KDM8: variants seen among roughly 807,000 people sequenced by gnomAD.
The protein encoded by KDM8 is lysine demethylase 8, also known as bifunctional peptidase and arginyl-hydroxylase JMJD5.
In KDM8, 35 loss-of-function variants were observed where a neutral mutation model predicts 46.9. The ratio of observed to expected loss-of-function variants is 0.75; its 90% CI spans 0.57 to 0.99. The LOEUF (loss-of-function observed/expected upper bound fraction) is 0.99, where lower values mean the gene tolerates loss of function less well. Ranked by LOEUF, KDM8 falls within the 50% of genes least tolerant of loss-of-function variation. KDM8 has a pLI of 0.00. For missense variants in KDM8, 475 were observed against 537.0 expected, an observed-to-expected ratio of 0.88 and a Z score of 1.14; for synonymous variants, 232 against 227.7, an observed-to-expected ratio of 1.02 and a Z score of -0.17.
At chr16:27,216,557 G>T (rs2083556446) in intron 5 of KDM8, among the ~76,000 whole-genome samples, 1 of 152,170 alleles carries the variant, frequency 6.6e-6, no homozygotes, top group East Asian at 1.9e-4. Flanking sequence ...ACAGCCAGGG[G>T]TGGGCTGGGG....
At chr16:27,218,061 C>T (rs752545187) in intron 5 of KDM8, among the ~76,000 whole-genome samples, 1 of 151,922 alleles carries the variant, frequency 6.6e-6, no homozygotes, top group Non-Finnish European at 1.5e-5. Flanking sequence ...TACCTGTAGT[C>T]CCAGCACTTT....
At position 27,210,425 on chromosome 16, in the gene KDM8, T is replaced by C; in HGVS notation, c.302T>C (p.Leu101Pro). ...CGGGTCTACGCCATCGGCTGCCTCC[T>C]GAAAGCCCTGTGTCTGTGCCAGGCA... is the stretch of plus-strand genomic sequence containing the variant. ...WRRVYAIGCLLKALCLCQAPE... is the reference protein window; with the variant it reads ...WRRVYAIGCLPKALCLCQAPE... Residue 101 changes from leucine (L) to proline (P), a missense_variant, in exon 2 of 8, where the codon CTG becomes CCG. Leu to Pro is a moderately conservative substitution (Grantham distance 98). Transcript: ENST00000286096. 3 of 1,606,144 alleles carry C rather than the reference T, an allele frequency of 1.9e-6. No homozygotes were observed. The highest frequency in any genetic ancestry group is 1.3e-5 in the African/African-American group (1 of 74,926).
At chr16:27,207,882 TG>T (rs574312260) in intron 1 of KDM8, among the ~76,000 whole-genome samples, 17 of 152,308 alleles carry the variant, frequency 1.1e-4, no homozygotes, top group African/African-American at 4.1e-4. Context: ...TGGGGGATAG[TG>T]TATAATAATC....
At chr16:27,210,701 C>A in intron 2 of KDM8, 80 bp downstream of exon 2, 1 of 1,397,720 alleles carries the variant, frequency 7.2e-7, no homozygotes, top group Non-Finnish European at 9.6e-7. Flanking sequence ...CATCTCTCCC[C>A]TGGGGTGAGG....
chr16:27,220,297 C>G (rs947527697), intron 6 of KDM8, 96 bp from the exon 7 acceptor site: 4 of 981,112 alleles, frequency 4.1e-6, no homozygotes, highest in Admixed American at 1.7e-5. Flanking sequence ...AGGCTGGGCC[C>G]AGGGAGCAGC....
chr16:27,218,237 G>A (rs1287951710), intron 5 of KDM8, among the ~76,000 whole-genome samples: 3 of 151,872 alleles, frequency 2.0e-5, no homozygotes, highest in African/African-American at 7.3e-5. Flanking sequence ...AGCCATGATG[G>A]TACCACTGCA....
intron 2 of KDM8, 79 bp downstream of exon 2, chr16:27,210,700 C>A: frequency 7.1e-7 from 1 of 1,413,870 alleles, no homozygotes; most frequent in East Asian, 2.4e-5. Flanking sequence ...TCATCTCTCC[C>A]CTGGGGTGAG....
intron 2 of KDM8, among the ~76,000 whole-genome samples, chr16:27,212,104 T>C (rs1050682475): frequency 2.6e-5 from 4 of 152,082 alleles, no homozygotes; most frequent in Non-Finnish European, 4.4e-5. Context: ...TAAGGAATGG[T>C]ACAAATCAAT....
At chr16:27,215,730 G>A (rs979579560) in intron 4 of KDM8, among the ~76,000 whole-genome samples, 8 of 152,192 alleles carry the variant, frequency 5.3e-5, no homozygotes, top group African/African-American at 1.9e-4. Context: ...CAATCAGATG[G>A]ATGAGATCAG....
At chr16:27,208,168 G>A (rs768185117) in intron 1 of KDM8, among the ~76,000 whole-genome samples, 5 of 152,266 alleles carry the variant, frequency 3.3e-5, no homozygotes, top group Non-Finnish European at 5.9e-5. Flanking sequence ...CCAGAAGGCT[G>A]TGTCCATTGG....
At chr16:27,218,325 G>A (rs1272445087) in intron 5 of KDM8, among the ~76,000 whole-genome samples, 1 of 152,112 alleles carries the variant, frequency 6.6e-6, no homozygotes, top group Non-Finnish European at 1.5e-5. Context: ...CCAGGCCACT[G>A]CGGCCCTGCC....
In KDM8 at chr16:27,214,859, G is replaced by C; in HGVS notation, c.666-17G>C. The C allele has an allele frequency of 6.2e-7, 1 of 1,613,892 alleles. No individual in the cohort carries two copies. Among genetic ancestry groups the C allele is most frequent in the Non-Finnish European group, 8.5e-7 (1 of 1,179,756 alleles). ...AGATATTAGCAGTGACGATGCCAAT[G>C]TGTGTCTTTCTGCTAGTTTGGAGTA... On this transcript the variant is annotated splice_polypyrimidine_tract_variant and intron_variant, in intron 3 of 7. Transcript: ENST00000286096.
intron 1 of KDM8, 113 bp downstream of exon 1, chr16:27,203,749 C>T (rs772078054): frequency 2.5e-5 from 7 of 278,816 alleles, no homozygotes; most frequent in Non-Finnish European, 3.4e-5. Context: ...AGCCCGGCCT[C>T]GCGCGTGCGC....
In KDM8 at chr16:27,215,000, G is replaced by A. The variant is rs115878045; in HGVS notation, c.790G>A (p.Val264Met). ...TVNEFISKYI[V>M]NEPRDVGYLA... is the part of the protein sequence containing the mutation. ...CAACGAGTTCATCAGCAAATACATCGTGAATGAGGTACATCATGGGGACTG... is the reference window on the plus strand; with the variant it reads ...CAACGAGTTCATCAGCAAATACATCATGAATGAGGTACATCATGGGGACTG... The change falls in exon 4 of 8, where the codon GTG becomes ATG. Residue 264 changes from valine to methionine, a missense_variant. By Grantham distance (21) the Val-to-Met change is conservative. Coordinates refer to ENST00000286096, the MANE Select transcript of KDM8 (RefSeq NM_024773.3). 1.2e-4 allele frequency: 199 copies of A among 1,614,092 alleles called. 1 individual carries two copies. In the African/African-American group the frequency reaches 2.1e-3, roughly 17 times the overall value.
At chr16:27,212,320 C>T (rs867820467) in intron 2 of KDM8, among the ~76,000 whole-genome samples, 4 of 152,210 alleles carry the variant, frequency 2.6e-5, no homozygotes, top group Non-Finnish European at 5.9e-5. Context: ...ATATGATACC[C>T]GGTGTTGCCA....
intron 2 of KDM8, among the ~76,000 whole-genome samples, chr16:27,213,057 C>A (rs1285734523): frequency 1.3e-5 from 2 of 152,168 alleles, no homozygotes; most frequent in Admixed American, 6.5e-5. Flanking sequence ...CTCAGGTCAC[C>A]CAGCTGGGAG....
intron 6 of KDM8, 29 bp downstream of exon 6, chr16:27,219,139 TC>T (rs770088522): frequency 2.2e-5 from 34 of 1,576,856 alleles, no homozygotes; most frequent in Non-Finnish European, 2.8e-5. Flanking sequence ...ATAGTGGCCT[TC>T]TAACTCCTCC....
chr16:27,205,124 C>T (rs2083415266), intron 1 of KDM8, among the ~76,000 whole-genome samples: 1 of 152,222 alleles, frequency 6.6e-6, no homozygotes, highest in South Asian at 2.1e-4. Context: ...CCTACTTTGC[C>T]AGTTTGCATA....
intron 4 of KDM8, 72 bp downstream of exon 4, chr16:27,215,080 C>T (rs2083534869): frequency 6.4e-7 from 1 of 1,558,252 alleles, no homozygotes; most frequent in Non-Finnish European, 8.8e-7. Flanking sequence ...CAAATAACCC[C>T]CCATGTGTTG....
Sources: gnomAD v4.1 joint callset for allele counts (sites outside exome capture counted in the v4.1 genomes callset) on GRCh38, gnomAD v4.1.1 for gene constraint, MANE v1.5 for transcripts, NCBI Gene and HGNC (gene_info 2026-07-23, HGNC 2026-07-21) for gene names.